Variants in DAAM1 observed in about 807,000 individuals in gnomAD.
DAAM1 encodes the protein disheveled-associated activator of morphogenesis 1.
In DAAM1, 52 loss-of-function variants were observed where a neutral mutation model predicts 130.0. The ratio of observed to expected loss-of-function variants is 0.40; its 90% confidence interval spans 0.32 to 0.50. The LOEUF (loss-of-function observed/expected upper bound fraction) is 0.50, where lower values mean the gene tolerates loss of function less well. DAAM1 is among the 20% of genes least tolerant of loss of function. DAAM1 has a pLI of 0.61. For missense variants in DAAM1, 1,134 were observed against 1,303.8 expected (o/e 0.87, Z 2.01); for synonymous variants, 452 against 444.5 (o/e 1.02, Z -0.21).
intron 3 of DAAM1, among the ~76,000 whole-genome samples, chr14:59,294,604 T>A (rs1046078926): frequency 3.3e-5 from 5 of 151,710 alleles, no homozygotes; most frequent in African/African-American, 9.7e-5. Context: ...CCAAAAAGGG[T>A]TCTGTTAGTT....
intron 3 of DAAM1, among the ~76,000 whole-genome samples, chr14:59,297,402 A>C (rs192302012): frequency 6.4e-4 from 98 of 152,326 alleles, no homozygotes; most frequent in Non-Finnish European, 1.2e-3. Context: ...TGTTTTTGGC[A>C]ATGTTGTCTC....
At chr14:59,326,208 C>A in intron 10 of DAAM1, 131 bp downstream of exon 10, 2 of 844,920 alleles carry the variant, frequency 2.4e-6, no homozygotes, top group Middle Eastern at 2.3e-4. Flanking sequence ...TTATGACAGC[C>A]AAGTATGTGT....
chr14:59,333,745 T>C (rs1038450324), intron 15 of DAAM1, among the ~76,000 whole-genome samples: 9 of 152,206 alleles, frequency 5.9e-5, no homozygotes, highest in African/African-American at 2.2e-4. Context: ...AGTCTGAGCA[T>C]GTGGGTTGCA....
intron 2 of DAAM1, among the ~76,000 whole-genome samples, chr14:59,284,960 C>T (rs771564646): frequency 2.0e-5 from 3 of 152,052 alleles, no homozygotes; most frequent in Non-Finnish European, 4.4e-5. Flanking sequence ...ATTCAGAGAA[C>T]TCCTATGAGA....
chr14:59,251,780 A>G lies in DAAM1; in HGVS notation c.-37-11661A>G, dbSNP rs923321372. Among the ~76,000 whole-genome samples, 3 of 152,240 alleles carry G rather than the reference A, an allele frequency of 2.0e-5. No homozygotes were observed. In the South Asian group the frequency reaches 6.2e-4, roughly 32 times the overall value. On this transcript the variant is annotated intron_variant, in intron 1 of 24. Transcript: ENST00000360909. The stretch of plus-strand genomic sequence containing the variant: ...TTCCATATGCCTCTTTTGAACATCC[A>G]TTATGTAAAATTTGTAAGTAGAATC...
At chr14:59,282,571 G>A (rs1175758039) in intron 2 of DAAM1, among the ~76,000 whole-genome samples, 5 of 152,058 alleles carry the variant, frequency 3.3e-5, no homozygotes, top group African/African-American at 7.2e-5. Context: ...TATCAGTGTC[G>A]TGATTTTGCC....
At chr14:59,302,391 T>G (rs1416686121) in intron 3 of DAAM1, among the ~76,000 whole-genome samples, 1 of 151,790 alleles carries the variant, frequency 6.6e-6, no homozygotes, top group African/African-American at 2.4e-5. Context: ...TAATGGGGAG[T>G]CATGGGGAGC....
chr14:59,355,053 T>C lies in DAAM1; in HGVS notation c.2357-112T>C. The C allele has an allele frequency of 3.6e-6, 5 of 1,382,440 alleles. No homozygotes were observed. In the South Asian group the frequency reaches 7.1e-5, roughly 20 times the overall value. The allele number at this position is 1,382,440 out of a possible 1,614,324, so 85.6% of individuals were successfully genotyped here. Reference sequence around the variant, plus strand: ...GGTAACCCAATAACTCAGTCTTACATCTTCAATATCTGTTATTAAGTGTGT... The same window carrying C: ...GGTAACCCAATAACTCAGTCTTACACCTTCAATATCTGTTATTAAGTGTGT... On this transcript the variant is annotated intron_variant, in intron 19 of 24. Transcript: ENST00000360909.
intron 1 of DAAM1, among the ~76,000 whole-genome samples, chr14:59,237,450 G>C (rs557517986): frequency 6.6e-6 from 1 of 152,256 alleles, no homozygotes; most frequent in South Asian, 2.1e-4. Context: ...CCCTGAGCAA[G>C]CTAAACAATA....
chr14:59,200,725 A>G (rs1372420621), intron 1 of DAAM1, among the ~76,000 whole-genome samples: 2 of 152,190 alleles, frequency 1.3e-5, no homozygotes, highest in African/African-American at 4.8e-5. Flanking sequence ...GAGGATATCC[A>G]AGCCTCTTCT....
intron 1 of DAAM1, among the ~76,000 whole-genome samples, chr14:59,248,076 G>A (rs1280968595): frequency 6.6e-6 from 1 of 152,124 alleles, no homozygotes; most frequent in African/African-American, 2.4e-5. Flanking sequence ...AAATACTCTG[G>A]CTTGGTAAGT....
At chr14:59,201,793 CAA>C (rs75591936) in intron 1 of DAAM1, among the ~76,000 whole-genome samples, 171 of 101,476 alleles carry the variant, frequency 1.7e-3, no homozygotes, top group African/African-American at 3.9e-3. Flanking sequence ...GATACTGTCT[CAA>C]AAAAAAAAAA....
In DAAM1 at chr14:59,270,454, G is replaced by A. The variant is rs116750972; in HGVS notation, c.183+6794G>A. On this transcript the variant is annotated intron_variant, in intron 2 of 24. Coordinates refer to ENST00000360909, the MANE Select transcript of DAAM1 (RefSeq NM_001270520.2). ...TAATGGAGCTAGAACTCAGTAACCC[G>A]GAGGGAGGAAATTAATCTATTCATG... Among the ~76,000 whole-genome samples the A allele has an allele frequency of 3.7e-3, 565 of 152,186 alleles. 5 individuals are homozygous for A. The highest frequency in any genetic ancestry group is 0.012 in the African/African-American group (518 of 41,520).
chr14:59,288,118 C>T (rs954834277), intron 2 of DAAM1, among the ~76,000 whole-genome samples: 1 of 152,182 alleles, frequency 6.6e-6, no homozygotes, highest in South Asian at 2.1e-4. Context: ...AATGAAGCCA[C>T]ACACCTACAA....
chr14:59,337,007 A>G (rs1313013880), intron 15 of DAAM1, among the ~76,000 whole-genome samples: 4 of 152,156 alleles, frequency 2.6e-5, no homozygotes, highest in African/African-American at 9.7e-5. Context: ...AGGCCTCTAC[A>G]CTAGAGGTCA....
At chr14:59,234,392 T>C (rs1030233893) in intron 1 of DAAM1, among the ~76,000 whole-genome samples, 1 of 152,112 alleles carries the variant, frequency 6.6e-6, no homozygotes, top group Non-Finnish European at 1.5e-5. Flanking sequence ...TTTGTAGCAA[T>C]TGTGAATGGC....
intron 1 of DAAM1, among the ~76,000 whole-genome samples, chr14:59,211,741 G>A (rs1268413395): frequency 6.6e-6 from 1 of 152,030 alleles, no homozygotes; most frequent in Non-Finnish European, 1.5e-5. Flanking sequence ...TGGATTATGA[G>A]ATGTTTTATC....
chr14:59,269,678 C>T (rs1377155919), intron 2 of DAAM1, among the ~76,000 whole-genome samples: 1 of 152,160 alleles, frequency 6.6e-6, no homozygotes, highest in Non-Finnish European at 1.5e-5. Context: ...CCCATGATTG[C>T]CTAACCTAGT....
chr14:59,207,231 A>G (rs1033964041), intron 1 of DAAM1, among the ~76,000 whole-genome samples: 5 of 152,184 alleles, frequency 3.3e-5, no homozygotes, highest in Non-Finnish European at 7.4e-5. Context: ...GTAAAATGCA[A>G]TGTTTGCTTA....
Sources: allele counts gnomAD v4.1 joint callset (sites outside exome capture counted in the v4.1 genomes callset), GRCh38; gene constraint gnomAD v4.1.1; transcripts MANE v1.5; gene names NCBI Gene and HGNC (gene_info 2026-07-23, HGNC 2026-07-21).